The following CNTN4 variants were observed in gnomAD, a reference collection of about 807,000 sequenced individuals.
CNTN4 encodes the protein contactin-4.
Under a neutral mutation model 122.5 loss-of-function variants are expected in CNTN4, and 77 were observed. That is an observed-to-expected ratio of 0.63 (90% CI 0.52 to 0.76). The LOEUF (loss-of-function observed/expected upper bound fraction) is 0.76, where lower values mean the gene tolerates loss of function less well. Ranked by LOEUF, CNTN4 falls within the 30% of genes least tolerant of loss-of-function variation. The pLI is 0.00. For synonymous variants in CNTN4, 512 were observed against 447.0 expected, an observed-to-expected ratio of 1.15 and a Z score of -1.83; for missense variants, 1,256 against 1,259.1, an observed-to-expected ratio of 1.00 and a Z score of 0.04.
At chr3:2,122,035 G>T (rs2033825994) in intron 2 of CNTN4, among the ~76,000 whole-genome samples, 1 of 151,756 alleles carries the variant, frequency 6.6e-6, no homozygotes, top group East Asian at 1.9e-4. Flanking sequence ...GGCGCCTGTA[G>T]TCCCAGCTAC....
intron 3 of CNTN4, among the ~76,000 whole-genome samples, chr3:2,463,756 C>G (rs2075400952): frequency 6.8e-6 from 1 of 147,438 alleles, no homozygotes; most frequent in African/African-American, 2.4e-5. Flanking sequence ...AAAACTCCGT[C>G]TCAAAAAAAA....
At chr3:2,219,706 GTTTA>G (rs935171205) in intron 2 of CNTN4, among the ~76,000 whole-genome samples, 5 of 151,934 alleles carry the variant, frequency 3.3e-5, no homozygotes, top group African/African-American at 9.7e-5. Flanking sequence ...TGCCTGATTT[GTTTA>G]TTTACTTAGA....
chr3:2,727,569 C>G (rs2088319501), intron 4 of CNTN4, among the ~76,000 whole-genome samples: 1 of 152,220 alleles, frequency 6.6e-6, no homozygotes, highest in Non-Finnish European at 1.5e-5. Context: ...CACGGCTGTT[C>G]TTTTCCACGC....
chr3:2,897,534 C>T (rs2094128975), intron 10 of CNTN4, among the ~76,000 whole-genome samples: 1 of 151,780 alleles, frequency 6.6e-6, no homozygotes, highest in African/African-American at 2.4e-5. Flanking sequence ...TTGAGTATCT[C>T]TTACCTGAAA....
rs567871842 is a variant in CNTN4, at chr3:3,038,453, C to T, written c.2093-480C>T. Reference sequence around the variant, plus strand: ...CAGGGCGCTACTCCGGAACGCCCCCCGCTTCTCCATGCTGACTGTTCCTTA... The same window carrying T: ...CAGGGCGCTACTCCGGAACGCCCCCTGCTTCTCCATGCTGACTGTTCCTTA... On this transcript the variant is annotated intron_variant, in intron 18 of 24. Transcript: ENST00000418658. 5.9e-5 allele frequency among the ~76,000 whole-genome samples: 9 copies of T among 152,286 alleles called. No individual in the cohort carries two copies. In the South Asian group the frequency reaches 1.0e-3, roughly 18 times the overall value.
chr3:2,287,785 A>G (rs565303594), intron 2 of CNTN4, among the ~76,000 whole-genome samples: 35 of 150,496 alleles, frequency 2.3e-4, no homozygotes, highest in Admixed American at 4.0e-4. Flanking sequence ...GAAGGAGAAG[A>G]AGAGGAGGAA....
At chr3:2,683,493 T>C (rs1332669338) in intron 4 of CNTN4, among the ~76,000 whole-genome samples, 2 of 152,060 alleles carry the variant, frequency 1.3e-5, no homozygotes, top group Admixed American at 1.3e-4. Context: ...TGTCCACATG[T>C]TGAAGTTGAA....
chr3:2,377,505 G>T lies in CNTN4; in HGVS notation c.-89+38272G>T, dbSNP rs549321209. 2.6e-5 allele frequency among the ~76,000 whole-genome samples: 4 copies of T among 152,256 alleles called. No individual in the cohort carries two copies. In the East Asian group the frequency reaches 7.7e-4, roughly 29 times the overall value. ...TCTCTAGAGATCTGGTATCTTCACAGGAAAGGTCAAATAGGTTTCATTGTC... is the reference window on the plus strand; with the variant it reads ...TCTCTAGAGATCTGGTATCTTCACATGAAAGGTCAAATAGGTTTCATTGTC... On this transcript the variant is annotated intron_variant, in intron 3 of 24. Transcript: ENST00000418658.
chr3:2,141,781 G>A (rs769563826), intron 2 of CNTN4, among the ~76,000 whole-genome samples: 2 of 152,064 alleles, frequency 1.3e-5, no homozygotes, highest in Non-Finnish European at 2.9e-5. Context: ...CCATACTGGT[G>A]TTCAGGCAGA....
intron 14 of CNTN4, among the ~76,000 whole-genome samples, chr3:3,014,047 T>TACACACACAC (rs10546128): frequency 3.1e-4 from 45 of 146,516 alleles, no homozygotes; most frequent in Middle Eastern, 3.4e-3. Context: ...CATTTAAATG[T>TACACACACAC]ACACACACAC....
intron 19 of CNTN4, chr3:3,039,768 A>G: frequency 2.3e-6 from 1 of 432,160 alleles, no homozygotes; most frequent in Non-Finnish European, 4.3e-6. Flanking sequence ...TTTTACAATC[A>G]TTTCCAACCA....
chr3:2,812,042 A>G (rs1197746878), intron 6 of CNTN4, among the ~76,000 whole-genome samples: 1 of 152,140 alleles, frequency 6.6e-6, no homozygotes, highest in African/African-American at 2.4e-5. Context: ...ACGAAATACC[A>G]CATGTCCTCA....
At chr3:2,430,422 CAAAAAA>C (rs545639324) in intron 3 of CNTN4, among the ~76,000 whole-genome samples, 1 of 60,200 alleles carries the variant, frequency 1.7e-5, no homozygotes. Context: ...ACTCTTGTCT[CAAAAAA>C]AAAAAAAAAA....
intron 3 of CNTN4, among the ~76,000 whole-genome samples, chr3:2,486,725 C>T (rs1321179813): frequency 6.6e-6 from 1 of 152,040 alleles, no homozygotes; most frequent in Non-Finnish European, 1.5e-5. Flanking sequence ...TATATATTTT[C>T]TGAATAACAT....
rs180754228 is a variant in CNTN4 at position 2,907,641 on chromosome 3, T to C, written c.1207+4636T>C. On this transcript the variant is annotated intron_variant, in intron 12 of 24. Transcript: ENST00000418658. ...AAAATATATATGTTGGTTCCACCTATTGATTAAATATCAGGAACCTCCAAT... is the reference window on the plus strand; with the variant it reads ...AAAATATATATGTTGGTTCCACCTACTGATTAAATATCAGGAACCTCCAAT... 3.3e-5 allele frequency among the ~76,000 whole-genome samples: 5 copies of C among 152,290 alleles called. No homozygotes were observed. The East Asian group carries it at 5.8e-4, about 18-fold the overall frequency.
chr3:2,922,862 C>G (rs1476137437), intron 12 of CNTN4, among the ~76,000 whole-genome samples: 2 of 152,128 alleles, frequency 1.3e-5, no homozygotes, highest in African/African-American at 4.8e-5. Context: ...CTGCCCACCT[C>G]AGCCTCCCAA....
chr3:3,038,290 C>T (rs973899394), intron 18 of CNTN4, among the ~76,000 whole-genome samples: 8 of 152,158 alleles, frequency 5.3e-5, no homozygotes, highest in Non-Finnish European at 1.2e-4. Flanking sequence ...CGCATAATTT[C>T]CTCTCTTTTA....
At chr3:2,927,556 G>C (rs1029633626) in intron 13 of CNTN4, 9 of 231,350 alleles carry the variant, frequency 3.9e-5, no homozygotes, top group Admixed American at 1.0e-4. Context: ...ATTTTGAACA[G>C]TATTAATGAC....
intron 2 of CNTN4, among the ~76,000 whole-genome samples, chr3:2,103,895 G>T (rs574599458): frequency 9.2e-5 from 14 of 152,112 alleles, no homozygotes; most frequent in African/African-American, 3.4e-4. Flanking sequence ...ATGCCTGTTA[G>T]AGTTTTGGTT....
Sources: allele counts gnomAD v4.1 joint callset (sites outside exome capture counted in the v4.1 genomes callset), GRCh38; gene constraint gnomAD v4.1.1; transcripts MANE v1.5; gene names NCBI Gene and HGNC (gene_info 2026-07-23, HGNC 2026-07-21).